SIRT1: variants seen among roughly 807,000 people sequenced by gnomAD.
SIRT1 encodes the protein NAD-dependent protein deacetylase sirtuin-1.
In SIRT1, 24 loss-of-function variants were observed where a neutral mutation model predicts 67.9. The observed-to-expected ratio is 0.35, with a 90% CI of 0.26 to 0.50. The LOEUF (loss-of-function observed/expected upper bound fraction) is 0.50. Among genes scored for constraint, SIRT1 ranks in the 20% least tolerant of loss-of-function variants. SIRT1 has a pLI of 0.98. For missense variants in SIRT1, 873 were observed against 937.2 expected (o/e 0.93, Z 0.89); for synonymous variants, 378 against 350.7 (o/e 1.08, Z -0.87).
rs1382003384 is a variant in SIRT1 at position 67,917,563 on chromosome 10, A to G, written c.*970A>G. 1 of 152,526 alleles carries G rather than the reference A, an allele frequency of 6.6e-6. No individual in the cohort carries two copies. The highest frequency in any genetic ancestry group is 1.9e-4 in the East Asian group (1 of 5,194). 9.4% of individuals were successfully genotyped at this position (152,526 alleles called of 1,614,324 possible). A position where few individuals can be genotyped will look rare whatever the true frequency, so the allele number is the denominator to read the frequency against. ...TACTGGGGAGAGTGTAATATTTTGGACTGCTGTTTTCCATTAATGAGGAGA... is the reference window on the plus strand; with the variant it reads ...TACTGGGGAGAGTGTAATATTTTGGGCTGCTGTTTTCCATTAATGAGGAGA... On this transcript the variant is annotated 3_prime_UTR_variant, in exon 9 of 9. Coordinates refer to ENST00000212015, the MANE Select transcript of SIRT1 (RefSeq NM_012238.5).
rs35480510 is a variant in SIRT1, at chr10:67,890,144, C to A, written c.789+1021C>A. Among the ~76,000 whole-genome samples, 4,530 of 152,006 alleles carry A rather than the reference C, an allele frequency of 0.03. 509 individuals are homozygous for A. In the East Asian group the frequency reaches 0.41, roughly 14 times the overall value. On this transcript the variant is annotated intron_variant, in intron 3 of 8. Coordinates refer to ENST00000212015, the MANE Select transcript of SIRT1 (RefSeq NM_012238.5). Reference sequence around the variant, plus strand: ...GATCTTGGCTCACTGCAACCTCTGCCTCCTGGGTTCAAGCAATTCTCTTGC... The same window carrying A: ...GATCTTGGCTCACTGCAACCTCTGCATCCTGGGTTCAAGCAATTCTCTTGC...
chr10:67,892,170 A>G (rs1842584067), intron 4 of SIRT1, among the ~76,000 whole-genome samples: 2 of 152,260 alleles, frequency 1.3e-5, no homozygotes, highest in African/African-American at 4.8e-5. Context: ...AAAGTATTTC[A>G]TTAGTTTTAT....
At chr10:67,906,385 CTTT>C in intron 4 of SIRT1, 1 of 1,137,838 alleles carries the variant, frequency 8.8e-7, no homozygotes, top group South Asian at 1.7e-5. Flanking sequence ...ATTGACAGTG[CTTT>C]TTTTTTTAAA....
At chr10:67,903,058 A>G (rs954720418) in intron 4 of SIRT1, among the ~76,000 whole-genome samples, 4 of 151,972 alleles carry the variant, frequency 2.6e-5, no homozygotes, top group African/African-American at 9.7e-5. Context: ...GTGCCATTGC[A>G]CTCCATCCTG....
intron 5 of SIRT1, among the ~76,000 whole-genome samples, chr10:67,907,490 CAAAAAAAA>C (rs373037115): frequency 1.8e-5 from 2 of 109,036 alleles, no homozygotes; most frequent in African/African-American, 3.9e-5. Flanking sequence ...GAGACTCTGT[CAAAAAAAA>C]AAAAAAAAAA....
intron 4 of SIRT1, among the ~76,000 whole-genome samples, chr10:67,899,135 G>A (rs373174054): frequency 1.5e-4 from 23 of 151,792 alleles, no homozygotes; most frequent in African/African-American, 4.6e-4. Flanking sequence ...ATGTTTTGTC[G>A]TATTGCAGCT....
chr10:67,897,601 A>T (rs533195535), intron 4 of SIRT1, among the ~76,000 whole-genome samples: 1 of 151,782 alleles, frequency 6.6e-6, no homozygotes, highest in South Asian at 2.1e-4. Flanking sequence ...TGACCTTGTG[A>T]TTCACCCACC....
intron 3 of SIRT1, among the ~76,000 whole-genome samples, chr10:67,889,711 A>G (rs1842538864): frequency 6.6e-6 from 1 of 152,146 alleles, no homozygotes; most frequent in East Asian, 1.9e-4. Flanking sequence ...GCTGTAGTAA[A>G]ATTTTGTCCT....
At chr10:67,904,129 T>TG (rs1554890915) in intron 4 of SIRT1, among the ~76,000 whole-genome samples, 2 of 98,008 alleles carry the variant, frequency 2.0e-5, no homozygotes, top group African/African-American at 1.3e-4. Context: ...TTTTGTTTGT[T>TG]TTTTTTTTTT....
At chr10:67,906,064 A>T in intron 4 of SIRT1, 1 of 1,041,118 alleles carries the variant, frequency 9.6e-7, no homozygotes, top group Non-Finnish European at 1.2e-6. Flanking sequence ...TACTAAATGG[A>T]ATTTAATAAA....
chr10:67,885,568 G>A (rs1842465026), intron 1 of SIRT1, among the ~76,000 whole-genome samples: 1 of 146,188 alleles, frequency 6.8e-6, no homozygotes, highest in African/African-American at 2.6e-5. Context: ...TGGCTGTCCC[G>A]TTGGTCTGCG....
At chr10:67,909,235 C>T (rs764671450) in intron 6 of SIRT1, 21 bp from the exon 7 acceptor site, 4 of 1,554,554 alleles carry the variant, frequency 2.6e-6, no homozygotes, top group Non-Finnish European at 3.5e-6. Flanking sequence ...TCTACCTCAA[C>T]CAAAATCTGA....
chr10:67,892,126 A>G (rs1842583465), intron 4 of SIRT1, among the ~76,000 whole-genome samples: 2 of 151,256 alleles, frequency 1.3e-5, no homozygotes, highest in Non-Finnish European at 2.9e-5. Flanking sequence ...TGTAGAAGAC[A>G]TATTGGATTT....
At chr10:67,886,169 T>C (rs1589065975) in intron 1 of SIRT1, among the ~76,000 whole-genome samples, 2 of 151,912 alleles carry the variant, frequency 1.3e-5, no homozygotes, top group African/African-American at 2.4e-5. Flanking sequence ...TCTTGATTTC[T>C]TGACTTCGTG....
intron 8 of SIRT1, among the ~76,000 whole-genome samples, chr10:67,914,112 C>T (rs983084300): frequency 2.3e-5 from 3 of 132,552 alleles, no homozygotes; most frequent in Admixed American, 1.8e-4. Flanking sequence ...CACTCTGTCG[C>T]CCAGGCTGGA....
intron 4 of SIRT1, among the ~76,000 whole-genome samples, chr10:67,899,226 T>C (rs1291639746): frequency 2.0e-5 from 3 of 151,976 alleles, no homozygotes; most frequent in Non-Finnish European, 1.5e-5. Flanking sequence ...GGGATTTAGC[T>C]GATTTGGCTG....
intron 4 of SIRT1, among the ~76,000 whole-genome samples, chr10:67,896,039 C>T (rs986353207): frequency 6.6e-6 from 1 of 152,104 alleles, no homozygotes; most frequent in African/African-American, 2.4e-5. Flanking sequence ...ACGCCCAGCC[C>T]TTAAATTTCA....
intron 4 of SIRT1, among the ~76,000 whole-genome samples, chr10:67,896,843 T>G (rs1427562267): frequency 6.8e-6 from 1 of 148,048 alleles, no homozygotes; most frequent in Non-Finnish European, 1.5e-5. Context: ...CAATAAAAAA[T>G]GTCTTCAAAA....
intron 3 of SIRT1, among the ~76,000 whole-genome samples, 194 bp downstream of exon 3, chr10:67,889,317 T>G (rs140656442): frequency 8.4e-4 from 128 of 152,338 alleles, no homozygotes; most frequent in African/African-American, 3.0e-3. Context: ...TAAAAAAATA[T>G]TTGCTTCTGC....
Sources: gnomAD v4.1 joint callset for allele counts (sites outside exome capture counted in the v4.1 genomes callset) on GRCh38, gnomAD v4.1.1 for gene constraint, MANE v1.5 for transcripts, NCBI Gene and HGNC (gene_info 2026-07-23, HGNC 2026-07-21) for gene names.